WWP1: variants seen among roughly 807,000 people sequenced by gnomAD.
WWP1 encodes NEDD4-like E3 ubiquitin-protein ligase WWP1.
A neutral mutation model predicts 130.6 loss-of-function variants in WWP1; 49 were observed. The ratio of observed to expected loss-of-function variants is 0.38; its 90% CI spans 0.30 to 0.48. WWP1 has a LOEUF of 0.48. Ranked by LOEUF, WWP1 falls within the 20% of genes least tolerant of loss-of-function variation. The pLI, the probability that WWP1 is intolerant of heterozygous loss-of-function variation, is 0.99. For missense variants in WWP1, 809 were observed against 1,100.6 expected (o/e 0.74, Z 3.75); for synonymous variants, 332 against 367.8 (o/e 0.90, Z 1.11).
At chr8:86,445,449 G>A (rs897337439) in intron 18 of WWP1, among the ~76,000 whole-genome samples, 70 of 152,136 alleles carry the variant, frequency 4.6e-4, no homozygotes, top group Admixed American at 4.5e-3. Flanking sequence ...TGCAGTATTT[G>A]GTAGTTGGCT....
chr8:86,355,271 T>G (rs1207072353), intron 1 of WWP1, among the ~76,000 whole-genome samples: 1 of 152,162 alleles, frequency 6.6e-6, no homozygotes, highest in Non-Finnish European at 1.5e-5. Flanking sequence ...ATGAGCACAG[T>G]GTAGAAGAGT....
intron 3 of WWP1, among the ~76,000 whole-genome samples, chr8:86,377,366 G>A (rs1443001303): frequency 6.6e-6 from 1 of 151,686 alleles, no homozygotes. Flanking sequence ...CCAGAGTGCT[G>A]GGATTACAGG....
At chr8:86,358,682 A>AT (rs1036121918) in intron 1 of WWP1, among the ~76,000 whole-genome samples, 21 of 151,296 alleles carry the variant, frequency 1.4e-4, no homozygotes, top group Non-Finnish European at 1.5e-5. Flanking sequence ...ATATAATTCT[A>AT]TTTTTTTGTA....
intron 1 of WWP1, among the ~76,000 whole-genome samples, chr8:86,361,979 T>TATATATACATATATATACACAC (rs1563465062): frequency 8.8e-5 from 10 of 113,160 alleles, no homozygotes; most frequent in Admixed American, 7.7e-4. Context: ...TGTGTGTATA[T>TATATATACATATATATACACAC]ATATATATAT....
At chr8:86,378,327 CA>C (rs1370440912) in intron 3 of WWP1, among the ~76,000 whole-genome samples, 6 of 151,918 alleles carry the variant, frequency 3.9e-5, no homozygotes, top group African/African-American at 1.5e-4. Flanking sequence ...TATATCATAT[CA>C]TTTTTTTTAA....
intron 11 of WWP1, among the ~76,000 whole-genome samples, chr8:86,428,096 A>G (rs1809732100): frequency 6.6e-6 from 1 of 152,162 alleles, no homozygotes; most frequent in South Asian, 2.1e-4. Flanking sequence ...GCATTTCTTA[A>G]CAAAATAATA....
chr8:86,411,820 T>C lies in WWP1; in HGVS notation c.1007T>C (p.Met336Thr). 1.2e-6 allele frequency: 2 copies of C among 1,614,056 alleles called. No individual in the cohort carries two copies. The highest frequency in any genetic ancestry group is 2.2e-5 in the South Asian group (2 of 91,074). Residue 336 changes from methionine to threonine, a missense_variant, in exon 9 of 25, where the codon ATG becomes ACG. This residue lies in a region of WWP1 where 97 missense variants were observed against 80.4 expected (regional missense o/e 1.21). Coordinates refer to ENST00000517970, the MANE Select transcript of WWP1 (RefSeq NM_007013.4). ...AAKSRQPDGC[M>T]DPVRQQSGNA... ...AAATCAAGACAGCCAGATGGGTGTA[T>C]GGATCCTGTACGGCAGCAGTCTGGG...
chr8:86,453,195 C>T (rs978614500), intron 21 of WWP1, among the ~76,000 whole-genome samples: 24 of 152,058 alleles, frequency 1.6e-4, no homozygotes, highest in Non-Finnish European at 1.0e-4. Flanking sequence ...TTAGACAAGT[C>T]CCCCTTTTCC....
At chr8:86,398,666 G>T in intron 7 of WWP1, 28 bp downstream of exon 7, 1 of 1,604,438 alleles carries the variant, frequency 6.2e-7, no homozygotes. Context: ...AATATGGGTG[G>T]CGACATGATG....
In WWP1 at chr8:86,438,614, G is replaced by A; in HGVS notation, c.1779G>A (p.Arg593=). The change falls in exon 17 of 25, where the codon AGG becomes AGA. Residue 593 remains arginine, a synonymous_variant. Transcript: ENST00000517970. ...QIMALKPYDL[R]RRLYVIFRGE... is the part of the protein sequence containing the mutation. Reference sequence around the variant, plus strand: ...TGGCATTAAAACCCTATGACTTGAGGAGGCGCTTATATGTAATATTTAGAG... The same window carrying A: ...TGGCATTAAAACCCTATGACTTGAGAAGGCGCTTATATGTAATATTTAGAG... The A allele has an allele frequency of 1.2e-6, 2 of 1,608,018 alleles. No homozygotes were observed. The highest frequency in any genetic ancestry group is 1.3e-5 in the African/African-American group (1 of 74,674).
At chr8:86,424,067 A>G (rs1809429118) in intron 9 of WWP1, among the ~76,000 whole-genome samples, 1 of 148,358 alleles carries the variant, frequency 6.7e-6, no homozygotes, top group Non-Finnish European at 1.5e-5. Context: ...TGCCGGGCGG[A>G]GGGGCTCCTC....
intron 21 of WWP1, among the ~76,000 whole-genome samples, chr8:86,454,455 T>C (rs1811335337): frequency 6.6e-6 from 1 of 152,122 alleles, no homozygotes; most frequent in African/African-American, 2.4e-5. Context: ...CTGGTTACCA[T>C]CTTCCTTAAC....
intron 9 of WWP1, among the ~76,000 whole-genome samples, chr8:86,418,988 T>C (rs895818201): frequency 2.0e-5 from 3 of 152,102 alleles, no homozygotes; most frequent in South Asian, 2.1e-4. Context: ...CTTTAATTAA[T>C]CCACAATCCA....
intron 8 of WWP1, among the ~76,000 whole-genome samples, chr8:86,407,579 C>T (rs1014025059): frequency 6.6e-6 from 1 of 152,102 alleles, no homozygotes; most frequent in African/African-American, 2.4e-5. Flanking sequence ...GCAGAATCTT[C>T]CCTAGTCAAG....
At chr8:86,346,126 A>G (rs1412670724) in intron 1 of WWP1, among the ~76,000 whole-genome samples, 1 of 152,222 alleles carries the variant, frequency 6.6e-6, no homozygotes, top group Non-Finnish European at 1.5e-5. Context: ...TCATCAGAGT[A>G]TCTACTCTCC....
At chr8:86,362,868 GA>G (rs1823750896) in intron 1 of WWP1, among the ~76,000 whole-genome samples, 1 of 152,114 alleles carries the variant, frequency 6.6e-6, no homozygotes, top group Non-Finnish European at 1.5e-5. Flanking sequence ...AGAATTAACA[GA>G]TACAAATCAG....
intron 22 of WWP1, among the ~76,000 whole-genome samples, chr8:86,460,914 A>G (rs1811734229): frequency 7.1e-6 from 1 of 141,310 alleles, no homozygotes; most frequent in African/African-American, 2.6e-5. Context: ...GGTTCACGCC[A>G]TTCTCCTGCC....
rs1230226876 is a variant in WWP1 at position 86,425,678 on chromosome 8, T to G, written c.1157+360T>G. ...TTCATAAGATTTAATGACTTAAATATTAAATGACTTAAAGGCCCAAATGAT... is the reference window on the plus strand; with the variant it reads ...TTCATAAGATTTAATGACTTAAATAGTAAATGACTTAAAGGCCCAAATGAT... On this transcript the variant is annotated intron_variant, in intron 10 of 24. Transcript: ENST00000517970. Among the ~76,000 whole-genome samples, 9 of 152,324 alleles carry G rather than the reference T, an allele frequency of 5.9e-5. No homozygotes were observed. In the East Asian group the frequency reaches 1.7e-3, roughly 29 times the overall value.
intron 20 of WWP1, among the ~76,000 whole-genome samples, chr8:86,448,885 T>C (rs1811027913): frequency 6.6e-6 from 1 of 152,168 alleles, no homozygotes; most frequent in Non-Finnish European, 1.5e-5. Flanking sequence ...GCTCAGGCCG[T>C]CGTAGTGGCG....
Sources: gnomAD v4.1 joint callset for allele counts (sites outside exome capture counted in the v4.1 genomes callset) on GRCh38, gnomAD v4.1.1 for gene constraint, gnomAD v4.1.1 regional missense constraint, MANE v1.5 for transcripts, NCBI Gene and HGNC (gene_info 2026-07-23, HGNC 2026-07-21) for gene names.